The following ATG5 variants were observed in gnomAD, a reference collection of about 807,000 sequenced individuals.
ATG5 encodes autophagy protein 5.
Under a neutral mutation model 36.5 loss-of-function variants are expected in ATG5, and 14 were observed. The ratio of observed to expected loss-of-function variants is 0.38; its 90% confidence interval spans 0.25 to 0.60. The LOEUF (loss-of-function observed/expected upper bound fraction) is 0.60, where lower values mean the gene tolerates loss of function less well. Among genes scored for constraint, ATG5 ranks in the 20% least tolerant of loss-of-function variants. The pLI, the probability that ATG5 is intolerant of heterozygous loss-of-function variation, is 0.60. For synonymous variants in ATG5, 95 were observed against 101.5 expected (o/e 0.94, Z 0.38); for missense variants, 195 against 326.7 (o/e 0.60, Z 3.11).
chr6:106,245,901 C>A (rs1306050393), intron 6 of ATG5, among the ~76,000 whole-genome samples: 1 of 152,024 alleles, frequency 6.6e-6, no homozygotes. Context: ...AAGTCAGCAA[C>A]AGAAATCTGA....
chr6:106,293,662 TATA>T (rs1780414670), intron 3 of ATG5, among the ~76,000 whole-genome samples: 1 of 152,204 alleles, frequency 6.6e-6, no homozygotes, highest in Non-Finnish European at 1.5e-5. Flanking sequence ...TTTCACATAA[TATA>T]ATGTCAACAT....
chr6:106,289,302 A>C (rs1045006193), intron 4 of ATG5, among the ~76,000 whole-genome samples: 14 of 152,190 alleles, frequency 9.2e-5, no homozygotes, highest in Non-Finnish European at 1.8e-4. Context: ...AGGCAGGCCT[A>C]CATCAATCAG....
At chr6:106,296,023 A>G (rs573676613) in intron 3 of ATG5, among the ~76,000 whole-genome samples, 1 of 152,192 alleles carries the variant, frequency 6.6e-6, no homozygotes, top group African/African-American at 2.4e-5. Flanking sequence ...AACAAAGTAC[A>G]TAATAAACAA....
intron 3 of ATG5, among the ~76,000 whole-genome samples, chr6:106,304,555 C>T (rs1770357949): frequency 1.3e-5 from 2 of 151,988 alleles, no homozygotes; most frequent in South Asian, 2.1e-4. Flanking sequence ...AAACATTACT[C>T]GAGGTAAAAT....
At chr6:106,236,198 T>C (rs142358338) in intron 6 of ATG5, among the ~76,000 whole-genome samples, 6 of 152,388 alleles carry the variant, frequency 3.9e-5, no homozygotes, top group African/African-American at 7.2e-5. Flanking sequence ...CTGAATAGTA[T>C]GCTGTTTTAG....
chr6:106,226,210 C>T (rs1777448113), intron 6 of ATG5, among the ~76,000 whole-genome samples: 1 of 152,170 alleles, frequency 6.6e-6, no homozygotes, highest in South Asian at 2.1e-4. Context: ...GATCACTAAA[C>T]TCACCAAGCA....
chr6:106,219,378 C>CA (rs1777155965), intron 6 of ATG5, among the ~76,000 whole-genome samples: 1 of 152,198 alleles, frequency 6.6e-6, no homozygotes, highest in East Asian at 1.9e-4. Context: ...ATTTCATGCA[C>CA]ATTAACTCAG....
At chr6:106,312,623 TAC>T (rs144983689) in intron 2 of ATG5, among the ~76,000 whole-genome samples, 5,989 of 144,352 alleles carry the variant, frequency 0.041, 131 homozygotes, top group African/African-American at 0.056. Flanking sequence ...CAAAAAAGAC[TAC>T]ACACACACAC....
At position 106,187,228 on chromosome 6, in the gene ATG5, TA is replaced by T. The variant is rs544509223; in HGVS notation, c.692-553del. 5.6e-4 allele frequency among the ~76,000 whole-genome samples: 86 copies of T among 152,278 alleles called. 1 individual carries two copies. Among genetic ancestry groups the T allele is most frequent in the Admixed American group, 1.1e-3 (17 of 15,280 alleles). On this transcript the variant is annotated intron_variant, in intron 7 of 7. Transcript: ENST00000369076. ...TTAGAGATACTATTTGAATAACAGT[TA>T]AAATTTTAATGAGAAGGGATTACAA...
intron 6 of ATG5, among the ~76,000 whole-genome samples, chr6:106,222,839 G>A (rs1037854734): frequency 6.6e-6 from 1 of 151,960 alleles, no homozygotes; most frequent in African/African-American, 2.4e-5. Context: ...TTAACCCAGA[G>A]GACAATAAGG....
At chr6:106,201,268 A>AGTGT (rs1776416381) in intron 7 of ATG5, among the ~76,000 whole-genome samples, 1 of 111,144 alleles carries the variant, frequency 9.0e-6, no homozygotes, top group South Asian at 2.7e-4. Context: ...CAAGTATTCA[A>AGTGT]GTGTATATGT....
intron 6 of ATG5, among the ~76,000 whole-genome samples, chr6:106,211,058 T>C (rs1776833476): frequency 6.6e-6 from 1 of 152,206 alleles, no homozygotes; most frequent in African/African-American, 2.4e-5. Flanking sequence ...TTGTTTTACA[T>C]ACATTAAGAA....
At chr6:106,246,844 A>G (rs1451849717) in intron 6 of ATG5, among the ~76,000 whole-genome samples, 1 of 152,232 alleles carries the variant, frequency 6.6e-6, no homozygotes, top group Admixed American at 6.5e-5. Flanking sequence ...GGTAAAATAG[A>G]AAGAATATAA....
intron 1 of ATG5, among the ~76,000 whole-genome samples, chr6:106,322,373 ATACT>A (rs1249439255): frequency 1.3e-5 from 2 of 152,230 alleles, no homozygotes; most frequent in Non-Finnish European, 2.9e-5. Flanking sequence ...GAAATATCAA[ATACT>A]TACTAAACTA....
chr6:106,252,396 T>C (rs1237749525), intron 5 of ATG5, among the ~76,000 whole-genome samples: 1 of 151,934 alleles, frequency 6.6e-6, no homozygotes, highest in Non-Finnish European at 1.5e-5. Flanking sequence ...ATCCTGATGG[T>C]CATCCATTTT....
At chr6:106,242,654 C>T (rs1481008448) in intron 6 of ATG5, among the ~76,000 whole-genome samples, 1 of 152,050 alleles carries the variant, frequency 6.6e-6, no homozygotes, top group South Asian at 2.1e-4. Flanking sequence ...AAGCAACTTA[C>T]ATTCACCTGG....
At chr6:106,271,976 C>G (rs147876241) in intron 5 of ATG5, among the ~76,000 whole-genome samples, 1 of 152,326 alleles carries the variant, frequency 6.6e-6, no homozygotes, top group Non-Finnish European at 1.5e-5. Context: ...TATGCATGAT[C>G]TCCTAAACTG....
chr6:106,190,948 A>C (rs954148199), intron 7 of ATG5, among the ~76,000 whole-genome samples: 1 of 152,202 alleles, frequency 6.6e-6, no homozygotes, highest in South Asian at 2.1e-4. Flanking sequence ...CTAGTTAGCA[A>C]GGTACTAATG....
At chr6:106,313,074 G>C (rs140267586) in intron 2 of ATG5, among the ~76,000 whole-genome samples, 2 of 152,272 alleles carry the variant, frequency 1.3e-5, no homozygotes, top group East Asian at 3.9e-4. Context: ...AATAAACAGA[G>C]AAGGCAGAGG....
Sources: gnomAD v4.1 joint callset for allele counts (sites outside exome capture counted in the v4.1 genomes callset) on GRCh38, gnomAD v4.1.1 for gene constraint, MANE v1.5 for transcripts, NCBI Gene and HGNC (gene_info 2026-07-23, HGNC 2026-07-21) for gene names.